TMEM232: variants seen among roughly 807,000 people sequenced by gnomAD.
TMEM232 encodes transmembrane protein 232.
A neutral mutation model predicts 78.8 loss-of-function variants in TMEM232; 80 were observed. The observed-to-expected ratio is 1.01, with a 90% CI of 0.85 to 1.22. TMEM232 has a LOEUF of 1.22. Ranked by LOEUF, TMEM232 falls within the 50% of genes most tolerant of loss-of-function variation. The pLI is 0.00. For synonymous variants in TMEM232, 297 were observed against 254.3 expected, an observed-to-expected ratio of 1.17 and a Z score of -1.60; for missense variants, 881 against 742.2, an observed-to-expected ratio of 1.19 and a Z score of -2.17.
intron 11 of TMEM232, among the ~76,000 whole-genome samples, chr5:110,547,363 C>A (rs74834093): frequency 0.019 from 2,965 of 152,224 alleles, 88 homozygotes; most frequent in African/African-American, 0.068. Flanking sequence ...ATAGGCCTAA[C>A]AACTGAGTCA....
At chr5:110,659,493 T>C (rs1789519285) in intron 2 of TMEM232, among the ~76,000 whole-genome samples, 1 of 152,136 alleles carries the variant, frequency 6.6e-6, no homozygotes, top group Non-Finnish European at 1.5e-5. Context: ...AAAGATTCAC[T>C]GGAGGAGGAT....
intron 12 of TMEM232, among the ~76,000 whole-genome samples, chr5:110,428,513 T>A (rs1757488191): frequency 1.3e-5 from 2 of 151,620 alleles, no homozygotes; most frequent in Non-Finnish European, 3.0e-5. Context: ...CTGTGGGAGG[T>A]CTAGGAGCCT....
chr5:110,674,620 T>C (rs973521950), intron 1 of TMEM232, among the ~76,000 whole-genome samples: 8 of 152,234 alleles, frequency 5.3e-5, no homozygotes, highest in Non-Finnish European at 8.8e-5. Flanking sequence ...AAAGTACTAA[T>C]ATTTCATCTG....
chr5:110,625,750 C>T (rs996536846), intron 6 of TMEM232, among the ~76,000 whole-genome samples: 1 of 151,744 alleles, frequency 6.6e-6, no homozygotes, highest in Non-Finnish European at 1.5e-5. Flanking sequence ...ATAATAGATG[C>T]TGTATTCATA....
At chr5:110,427,915 C>T (rs1438631007) in intron 12 of TMEM232, among the ~76,000 whole-genome samples, 3 of 151,834 alleles carry the variant, frequency 2.0e-5, no homozygotes, top group Non-Finnish European at 4.4e-5. Flanking sequence ...TTGATACACA[C>T]ATGTAATGCA....
chr5:110,399,493 T>C (rs10069293), intron 2 of TMEM232, among the ~76,000 whole-genome samples: 4,696 of 152,144 alleles, frequency 0.031, 268 homozygotes, highest in African/African-American at 0.11. Context: ...TTTTTATTGA[T>C]TGATTTCTTT....
At chr5:110,480,864 A>T (rs1331142972) in intron 12 of TMEM232, among the ~76,000 whole-genome samples, 1 of 152,114 alleles carries the variant, frequency 6.6e-6, no homozygotes, top group Non-Finnish European at 1.5e-5. Context: ...ATATACACTA[A>T]GGAGTGGTCA....
At chr5:110,474,548 A>C (rs1763039413) in intron 12 of TMEM232, among the ~76,000 whole-genome samples, 2 of 151,948 alleles carry the variant, frequency 1.3e-5, no homozygotes, top group Admixed American at 1.3e-4. Flanking sequence ...ATAAATTAGA[A>C]GTTCTAGCTA....
At chr5:110,728,218 C>CAT (rs566821627), upstream of TMEM232, among the ~76,000 whole-genome samples, 1,902 of 150,520 alleles carry the variant, frequency 0.013, 48 homozygotes, top group African/African-American at 0.042. Flanking sequence ...TTCACAAATA[C>CAT]ATATATATAT....
intron 2 of TMEM232, among the ~76,000 whole-genome samples, chr5:110,652,508 T>C (rs1461559348): frequency 6.6e-6 from 1 of 152,218 alleles, no homozygotes; most frequent in African/African-American, 2.4e-5. Context: ...AATTTTAGTT[T>C]TGTCCAACAT....
chr5:110,441,064 G>C (rs1758982406), intron 12 of TMEM232, among the ~76,000 whole-genome samples: 1 of 152,130 alleles, frequency 6.6e-6, no homozygotes, highest in African/African-American at 2.4e-5. Context: ...TAACTGCTTT[G>C]ACGCAGGTAT....
chr5:110,490,177 G>GAAAGAAAGAA (rs1764920225), intron 12 of TMEM232, among the ~76,000 whole-genome samples: 2 of 125,730 alleles, frequency 1.6e-5, no homozygotes, highest in Non-Finnish European at 3.2e-5. Flanking sequence ...AAGAAAGAAA[G>GAAAGAAAGAA]AAAGAAAGAA....
chr5:110,627,279 T>A (rs188400628), intron 6 of TMEM232, among the ~76,000 whole-genome samples: 1 of 151,902 alleles, frequency 6.6e-6, no homozygotes, highest in Non-Finnish European at 1.5e-5. Flanking sequence ...TTTCCTGAAA[T>A]TCAGGGAGGT....
At chr5:110,445,958 T>TA (rs1170890146) in intron 12 of TMEM232, among the ~76,000 whole-genome samples, 2 of 152,192 alleles carry the variant, frequency 1.3e-5, no homozygotes, top group African/African-American at 2.4e-5. Flanking sequence ...TTCTATTCAT[T>TA]AGAAATGAAT....
rs569091547 is a variant in TMEM232, at chr5:110,544,490, T to C, written c.1456-15655A>G. Among the ~76,000 whole-genome samples the C allele has an allele frequency of 2.9e-5, 4 of 135,862 alleles. No homozygotes were observed. The South Asian group carries it at 7.1e-4, about 24-fold the overall frequency. 89.1% of individuals were successfully genotyped at this position (135,862 alleles called of 152,430 possible). ...TACAAAGTTCTGAATTTACCACCAA[T>C]AATTAGAGAAATGTAGCAAACACAA... On this transcript the variant is annotated intron_variant, in intron 11 of 13. Coordinates refer to ENST00000455884, the MANE Select transcript of TMEM232 (RefSeq NM_001039763.4).
intron 12 of TMEM232, among the ~76,000 whole-genome samples, chr5:110,445,943 C>T (rs1759597276): frequency 6.6e-6 from 1 of 152,086 alleles, no homozygotes; most frequent in African/African-American, 2.4e-5. Context: ...ATCACTTCTG[C>T]CATATTCTAT....
At chr5:110,604,727 CGTG>C (rs1289503447) in intron 10 of TMEM232, among the ~76,000 whole-genome samples, 4 of 152,014 alleles carry the variant, frequency 2.6e-5, no homozygotes, top group Admixed American at 2.6e-4. Context: ...GGAAGGCAAA[CGTG>C]GTGGATCACT....
chr5:110,470,348 C>T lies in TMEM232; in HGVS notation c.1704-45432G>A, dbSNP rs192057600. On this transcript the variant is annotated intron_variant, in intron 12 of 13. Coordinates refer to ENST00000455884, the MANE Select transcript of TMEM232 (RefSeq NM_001039763.4). ...TTCTGTGAGGAATCCACATTCTACCCGACCACAGAGAATGAACTTGTATGT... is the reference window on the plus strand; with the variant it reads ...TTCTGTGAGGAATCCACATTCTACCTGACCACAGAGAATGAACTTGTATGT... 4.0e-5 allele frequency among the ~76,000 whole-genome samples: 6 copies of T among 151,712 alleles called. No individual in the cohort carries two copies. In the South Asian group the frequency reaches 8.3e-4, roughly 21 times the overall value.
intron 12 of TMEM232, among the ~76,000 whole-genome samples, chr5:110,456,164 A>C (rs1452922220): frequency 6.6e-6 from 1 of 152,220 alleles, no homozygotes; most frequent in Non-Finnish European, 1.5e-5. Context: ...ACAGAAGAAT[A>C]ATCTACAAAA....
Sources: allele counts gnomAD v4.1 joint callset (sites outside exome capture counted in the v4.1 genomes callset), GRCh38; gene constraint gnomAD v4.1.1; transcripts MANE v1.5; gene names NCBI Gene and HGNC (gene_info 2026-07-23, HGNC 2026-07-21).